The following TRIM15 variants were observed in gnomAD, a reference collection of about 807,000 sequenced individuals.
TRIM15 encodes tripartite motif containing 15.
In TRIM15, 35 loss-of-function variants were observed where a neutral mutation model predicts 35.8. That is an observed-to-expected ratio of 0.98 (90% CI 0.75 to 1.30). The LOEUF is 1.30. TRIM15 is among the 50% of genes most tolerant of loss of function. TRIM15 has a pLI of 0.00. For missense variants in TRIM15, 590 were observed against 593.5 expected (o/e 0.99, Z 0.06); for synonymous variants, 252 against 249.8 (o/e 1.01, Z -0.08).
chr6:30,168,582 G>T, intron 3 of TRIM15, 52 bp downstream of exon 3: 1 of 1,502,794 alleles, frequency 6.7e-7, no homozygotes, highest in Non-Finnish European at 9.0e-7. Flanking sequence ...CCACGGGGAA[G>T]GGGGTGGGCA....
At position 30,172,215 on chromosome 6, in the gene TRIM15, G is replaced by A. The variant is rs760869221; in HGVS notation, c.1264G>A (p.Glu422Lys). The A allele has an allele frequency of 1.4e-4, 227 of 1,611,780 alleles. 1 individual carries two copies. The highest frequency in any genetic ancestry group is 1.9e-4 in the Non-Finnish European group (221 of 1,179,596). Residue 422 changes from glutamate (E) to lysine (K), a missense_variant, in exon 7 of 7, where the codon GAG (glutamate) becomes AAG (lysine). Physicochemically the swap from Glu to Lys is moderately conservative, Grantham distance 56 (BLOSUM62 1). Transcript: ENST00000376694. ...PRGVRVALDY[E>K]AGQVTLHNAQ... ...CGGCGTGAGAGTCGCCCTGGACTAC[G>A]AGGCGGGGCAGGTGACCCTCCACAA...
At chr6:30,167,108 G>A (rs949877053) in intron 1 of TRIM15, 68 bp from the exon 2 acceptor site, 17 of 1,396,336 alleles carry the variant, frequency 1.2e-5, no homozygotes, top group Admixed American at 1.2e-4. Context: ...CCCAGGATGT[G>A]ATAGTTAATA....
rs1024483609 is a variant in TRIM15, at chr6:30,170,104, CT to C, written c.732-388del. 4.0e-5 allele frequency among the ~76,000 whole-genome samples: 6 copies of C among 151,382 alleles called. No individual in the cohort carries two copies. The South Asian group carries it at 1.0e-3, about 26-fold the overall frequency. ...ATTGCAATATATATTTTCGTTGATC[CT>C]TTTTTTTTCTTCCCTTCTAGCCTCT... On this transcript the variant is annotated intron_variant, in intron 4 of 6. Transcript: ENST00000376694.
intron 1 of TRIM15, among the ~76,000 whole-genome samples, chr6:30,166,328 C>T (rs1480724947): frequency 6.6e-6 from 1 of 152,134 alleles, no homozygotes; most frequent in Non-Finnish European, 1.5e-5. Context: ...ATATGGCTAG[C>T]CAGTTTTCCC....
intron 3 of TRIM15, 85 bp from the exon 4 acceptor site, chr6:30,169,156 T>C (rs1015506730): frequency 6.6e-7 from 1 of 1,526,530 alleles, no homozygotes; most frequent in Non-Finnish European, 9.1e-7. Flanking sequence ...TTTGAGTTCA[T>C]ATTTTAAGGG....
In TRIM15 at chr6:30,172,532, C is replaced by A; in HGVS notation, c.*183C>A. ...CTTAGGCCCTCAGCTCCCTGACGTCCTGAGCCTCCCTGTGACGCTCTGGCC... is the reference window on the plus strand; with the variant it reads ...CTTAGGCCCTCAGCTCCCTGACGTCATGAGCCTCCCTGTGACGCTCTGGCC... On this transcript the variant is annotated 3_prime_UTR_variant, in exon 7 of 7. Transcript: ENST00000376694. 1 of 881,144 alleles carries A rather than the reference C, an allele frequency of 1.1e-6. No individual in the cohort carries two copies. Among genetic ancestry groups the A allele is most frequent in the Non-Finnish European group, 1.8e-6 (1 of 567,842 alleles). 54.6% of individuals were successfully genotyped at this position (881,144 alleles called of 1,614,324 possible).
At chr6:30,167,746 C>T (rs571499261) in intron 2 of TRIM15, among the ~76,000 whole-genome samples, 5 of 152,246 alleles carry the variant, frequency 3.3e-5, no homozygotes, top group South Asian at 2.1e-4. Flanking sequence ...GGATCCCTCA[C>T]GCCTCTCTTT....
chr6:30,168,497 G>C lies in TRIM15; in HGVS notation c.675G>C (p.Glu225Asp), dbSNP rs1429586231. 1 of 1,606,924 alleles carries C rather than the reference G, an allele frequency of 6.2e-7. No homozygotes were observed. ...GAGCCCAGGTCAAGGAGCTGGAGGA[G>C]AAGTGTCAGCAGCCAGCAAGTGAGC... The part of the protein sequence containing the change: ...RLGAQVKELE[E>D]KCQQPASELL... Residue 225 changes from glutamate to aspartate, a missense_variant, in exon 3 of 7, where the codon GAG (glutamate) becomes GAC (aspartate). Coordinates refer to ENST00000376694, the MANE Select transcript of TRIM15 (RefSeq NM_033229.3).
chr6:30,166,237 G>A (rs1773586392), intron 1 of TRIM15, among the ~76,000 whole-genome samples: 2 of 152,112 alleles, frequency 1.3e-5, no homozygotes, highest in South Asian at 2.1e-4. Flanking sequence ...ATGGTTTTAG[G>A]TCTTACGTTT....
chr6:30,165,132 C>G (rs1275119316), intron 1 of TRIM15, among the ~76,000 whole-genome samples: 3 of 150,944 alleles, frequency 2.0e-5, no homozygotes, highest in African/African-American at 7.3e-5. Flanking sequence ...TATACATGTT[C>G]TGGGATACAT....
chr6:30,168,688 C>T (rs1773797699), intron 3 of TRIM15, 158 bp downstream of exon 3: 1 of 715,004 alleles, frequency 1.4e-6, no homozygotes, highest in South Asian at 1.6e-5. Flanking sequence ...AAGTCATACA[C>T]TGTGGTCATG....
rs374562707 is a variant in TRIM15, at chr6:30,170,549, T to C, written c.780T>C (p.Leu260=). 7.4e-6 allele frequency: 12 copies of C among 1,614,030 alleles called. No individual in the cohort carries two copies. Among genetic ancestry groups the C allele is most frequent in the Non-Finnish European group, 1.0e-5 (12 of 1,180,018 alleles). Residue 260 remains leucine (L), a synonymous_variant, in exon 5 of 7, where the codon CTT becomes CTC. Coordinates refer to ENST00000376694, the MANE Select transcript of TRIM15 (RefSeq NM_033229.3). ...GTCCTGAGGCCATTTCTCCTGACCT[T>C]GTCAAGAAGATCCGTGATTTCCACA... The part of the protein sequence containing the change: ...FVSPEAISPD[L]VKKIRDFHRK...
rs1475835385 is a variant in TRIM15, at chr6:30,163,836, CG to C, written c.155del (p.Gly52AlafsTer86). The C allele has an allele frequency of 1.2e-6, 2 of 1,613,048 alleles. No homozygotes were observed. The highest frequency in any genetic ancestry group is 2.2e-5 in the East Asian group (1 of 44,888). ...CTCTCCCAGATGGGGGCCCAATCCTCGGGCAAGATCCTGCTCTGCCCGCTCT... is the reference window on the plus strand; with the variant it reads ...CTCTCCCAGATGGGGGCCCAATCCTCGGCAAGATCCTGCTCTGCCCGCTCT... ...PALSQMGAQS[S>X]GKILLCPLCQ... On this transcript the variant is annotated frameshift_variant, in exon 1 of 7. Coordinates refer to ENST00000376694, the MANE Select transcript of TRIM15 (RefSeq NM_033229.3). LOFTEE classifies it high-confidence loss of function.
Position 30,163,793 on chromosome 6 carries a change from C to A in TRIM15, c.109C>A (p.Arg37=). The change falls in exon 1 of 7, where the codon CGG becomes AGG. Residue 37 remains arginine, a synonymous_variant. Transcript: ENST00000376694. ...CATTCCCTGTGGACACACCTTCTGCCGGCTCTGCCTCCCCGCGCTCTCCCA... is the reference window on the plus strand; with the variant it reads ...CATTCCCTGTGGACACACCTTCTGCAGGCTCTGCCTCCCCGCGCTCTCCCA... The part of the protein sequence containing the change: ...VTIPCGHTFC[R]LCLPALSQMG... The A allele has an allele frequency of 6.2e-7, 1 of 1,612,978 alleles. No individual in the cohort carries two copies. Among genetic ancestry groups the A allele is most frequent in the Non-Finnish European group, 8.5e-7 (1 of 1,180,014 alleles).
chr6:30,164,258 G>A (rs2074477), intron 1 of TRIM15, among the ~76,000 whole-genome samples, 193 bp downstream of exon 1: 20,764 of 152,174 alleles, frequency 0.14, 1,880 homozygotes, highest in East Asian at 0.32. Flanking sequence ...CCTGGTCTGG[G>A]GGGAACTTCA....
At position 30,172,644 on chromosome 6, in the gene TRIM15, G is replaced by GAA; in HGVS notation, c.*302_*303dup. 1.6e-6 allele frequency: 1 copy of GAA among 616,650 alleles called. No individual in the cohort carries two copies. Among genetic ancestry groups the GAA allele is most frequent in the Non-Finnish European group, 2.9e-6 (1 of 341,080 alleles). The allele number at this position is 616,650 out of a possible 1,614,324, so 38.2% of individuals were successfully genotyped here. On this transcript the variant is annotated 3_prime_UTR_variant, in exon 7 of 7. Coordinates refer to ENST00000376694, the MANE Select transcript of TRIM15 (RefSeq NM_033229.3). Reference sequence around the variant, plus strand: ...ACCTAGGAGCCAGCGGGCTTTCGGGGAAAAAAAAGAAAAAGACATCTAAAA... The same window carrying GAA: ...ACCTAGGAGCCAGCGGGCTTTCGGGGAAAAAAAAAAGAAAAAGACATCTAAAA...
At chr6:30,167,297 T>G (rs371502661) in intron 2 of TRIM15, 26 bp downstream of exon 2, 555 of 1,595,214 alleles carry the variant, frequency 3.5e-4, no homozygotes, top group Non-Finnish European at 4.5e-4. Flanking sequence ...CTGGCTACCT[T>G]TTCCTTTGAA....
Position 30,171,997 on chromosome 6 carries a change from A to G in TRIM15, c.1046A>G (p.His349Arg). Residue 349 changes from histidine to arginine, a missense_variant, in exon 7 of 7, where the codon CAC becomes CGC. His to Arg is a conservative substitution (Grantham distance 29). Transcript: ENST00000376694. Reference sequence around the variant, plus strand: ...TTCCCGGGCTTCTCCTCCGGGCGCCACCGCTGGCAGGTTGACCTGCAGCTG... The same window carrying G: ...TTCCCGGGCTTCTCCTCCGGGCGCCGCCGCTGGCAGGTTGACCTGCAGCTG... ...LGFPGFSSGRHRWQVDLQLGD... is the reference protein window; with the variant it reads ...LGFPGFSSGRRRWQVDLQLGD... The G allele has an allele frequency of 1.3e-6, 2 of 1,579,718 alleles. No homozygotes were observed. The highest frequency in any genetic ancestry group is 1.7e-6 in the Non-Finnish European group (2 of 1,162,304).
At position 30,164,107 on chromosome 6, in the gene TRIM15, T is replaced by A. The variant is rs776275260; in HGVS notation, c.381+42T>A. 76 of 1,578,376 alleles carry A rather than the reference T, an allele frequency of 4.8e-5. No homozygotes were observed. The South Asian group carries it at 7.3e-4, about 15-fold the overall frequency. ...TACCTAGGGCCTGTTTGGGGCAGGA[T>A]GATGTCCTGTTATGAGGGGAGGAAA... On this transcript the variant is annotated intron_variant, in intron 1 of 6. Coordinates refer to ENST00000376694, the MANE Select transcript of TRIM15 (RefSeq NM_033229.3).
Sources: allele counts gnomAD v4.1 joint callset (sites outside exome capture counted in the v4.1 genomes callset), GRCh38; gene constraint gnomAD v4.1.1; transcripts MANE v1.5; gene names NCBI Gene and HGNC (gene_info 2026-07-23, HGNC 2026-07-21).